ABCC12: variants seen among roughly 807,000 people sequenced by gnomAD.
ABCC12 encodes the protein ATP-binding cassette sub-family C member 12.
A neutral mutation model predicts 151.1 loss-of-function variants in ABCC12; 142 were observed. The ratio of observed to expected loss-of-function variants is 0.94; its 90% CI spans 0.82 to 1.08. The LOEUF (loss-of-function observed/expected upper bound fraction) is 1.08. ABCC12 is among the 50% of genes least tolerant of loss of function. The pLI, the probability that ABCC12 is intolerant of heterozygous loss-of-function variation, is 0.00. For missense variants in ABCC12, 1,638 were observed against 1,691.1 expected (o/e 0.97, Z 0.55); for synonymous variants, 645 against 646.4 (o/e 1.00, Z 0.03).
intron 20 of ABCC12, among the ~76,000 whole-genome samples, chr16:48,106,749 CA>C (rs1963506510): frequency 6.6e-6 from 1 of 152,160 alleles, no homozygotes; most frequent in Non-Finnish European, 1.5e-5. Flanking sequence ...GACCATTGGC[CA>C]AAAGCTGGGA....
intron 21 of ABCC12, among the ~76,000 whole-genome samples, chr16:48,104,803 G>A (rs968109441): frequency 6.6e-6 from 1 of 152,236 alleles, no homozygotes; most frequent in African/African-American, 2.4e-5. Context: ...GCAGTGGAAT[G>A]CAGAGGGGGC....
At chr16:48,107,280 A>G in intron 20 of ABCC12, 42 bp downstream of exon 20, 1 of 1,582,578 alleles carries the variant, frequency 6.3e-7, no homozygotes, top group East Asian at 2.2e-5. Context: ...TTTTACTCCA[A>G]GACACAGACT....
At position 48,091,167 on chromosome 16, in the gene ABCC12, T is replaced by A. The variant is rs762919275; in HGVS notation, c.3238A>T (p.Thr1080Ser). Reference sequence around the variant, plus strand: ...TCCACGGAGGTGAATTTGGCTTGCGTCTCTGTTCCCGTTCGCACACACACT... The same window carrying A: ...TCCACGGAGGTGAATTTGGCTTGCGACTCTGTTCCCGTTCGCACACACACT... ...LQVCVRTGTE[T>S]QAKFTSVELL... The change falls in exon 25 of 31, where the codon ACG (threonine) becomes TCG (serine). Residue 1080 changes from threonine (T) to serine (S), a missense_variant. Transcript: ENST00000311303. The A allele has an allele frequency of 6.2e-7, 1 of 1,614,148 alleles. No homozygotes were observed. The highest frequency in any genetic ancestry group is 1.1e-5 in the South Asian group (1 of 91,090).
chr16:48,102,386 G>A (rs1211445233), intron 22 of ABCC12, among the ~76,000 whole-genome samples: 2 of 152,196 alleles, frequency 1.3e-5, no homozygotes, highest in Non-Finnish European at 1.5e-5. Flanking sequence ...CCTATGCTCA[G>A]GCTTGCTCCC....
intron 11 of ABCC12, among the ~76,000 whole-genome samples, chr16:48,124,550 C>T (rs1964178566): frequency 1.3e-5 from 2 of 152,248 alleles, no homozygotes; most frequent in South Asian, 2.1e-4. Flanking sequence ...CACGTAAGAT[C>T]ACTGGTGTGA....
At chr16:48,120,811 C>T (rs2150635489) in intron 13 of ABCC12, among the ~76,000 whole-genome samples, 1 of 152,280 alleles carries the variant, frequency 6.6e-6, no homozygotes, top group African/African-American at 2.4e-5. Flanking sequence ...GCCTCGGACT[C>T]CCAAAGTTCT....
In ABCC12 at chr16:48,090,240, A is replaced by T. The variant is rs575189815; in HGVS notation, c.3285+880T>A. The stretch of plus-strand genomic sequence containing the variant: ...AAATAATAATTTTTAACTTAAAAAA[A>T]TTTTAGAGTCAGGGTCTAGCTCTGT... On this transcript the variant is annotated intron_variant, in intron 25 of 30. Transcript: ENST00000311303. Among the ~76,000 whole-genome samples the T allele has an allele frequency of 2.8e-4, 43 of 152,174 alleles. 1 individual carries two copies. The East Asian group carries it at 7.9e-3, about 28-fold the overall frequency.
Position 48,133,812 on chromosome 16 carries a change from A to G in ABCC12, c.1003T>C (p.Leu335=), listed in dbSNP as rs1964516086. The part of the protein sequence containing the change: ...IQDIRRRERK[L]LEKAGFVQSG... Reference sequence around the variant, plus strand: ...TGGACAAATCCAGCTTTTTCCAGTAATTTTCTTTCCCTCCTTCTTATATCT... The same window carrying G: ...TGGACAAATCCAGCTTTTTCCAGTAGTTTTCTTTCCCTCCTTCTTATATCT... The change falls in exon 9 of 31, where the codon TTA becomes CTA. Residue 335 remains leucine, a synonymous_variant. Transcript: ENST00000311303. 6.2e-7 allele frequency: 1 copy of G among 1,613,842 alleles called. No homozygotes were observed. Among genetic ancestry groups the G allele is most frequent in the African/African-American group, 1.3e-5 (1 of 74,844 alleles).
intron 14 of ABCC12, among the ~76,000 whole-genome samples, chr16:48,117,031 A>AG (rs1160202471): frequency 6.6e-6 from 1 of 152,234 alleles, no homozygotes; most frequent in Non-Finnish European, 1.5e-5. Context: ...AGTAGCCCCA[A>AG]GAAGTGACTA....
chr16:48,115,450 C>T lies in ABCC12; in HGVS notation c.1954G>A (p.Gly652Arg). The change falls in exon 15 of 31, where the codon GGA (glycine) becomes AGA (arginine). Residue 652 changes from glycine to arginine, a missense_variant. Coordinates refer to ENST00000311303, the MANE Select transcript of ABCC12 (RefSeq NM_001393797.1). ...FEECIKKTLR[G>R]KTVVLVTHQL... is the part of the protein sequence containing the mutation. ...TGGGTCACCAGGACGACTGTCTTTCCCCTGAGCGTCTTCTTAATGCACTCC... is the reference window on the plus strand; with the variant it reads ...TGGGTCACCAGGACGACTGTCTTTCTCCTGAGCGTCTTCTTAATGCACTCC... 1.2e-6 allele frequency: 2 copies of T among 1,614,090 alleles called. No individual in the cohort carries two copies. The highest frequency in any genetic ancestry group is 1.7e-6 in the Non-Finnish European group (2 of 1,179,958).
chr16:48,081,330 G>A lies in ABCC12; in HGVS notation c.*2385C>T, dbSNP rs1297073205. On this transcript the variant is annotated 3_prime_UTR_variant, in exon 31 of 31. Transcript: ENST00000311303. Reference sequence around the variant, plus strand: ...GGCAGTGATAGCAAGGGGTTGGGGTGGGAGAGGGGTTTGCTAAGATGGTTT... The same window carrying A: ...GGCAGTGATAGCAAGGGGTTGGGGTAGGAGAGGGGTTTGCTAAGATGGTTT... Among the ~76,000 whole-genome samples, 1 of 152,160 alleles carries A rather than the reference G, an allele frequency of 6.6e-6. No homozygotes were observed. The highest frequency in any genetic ancestry group is 1.5e-5 in the Non-Finnish European group (1 of 68,024).
chr16:48,140,096 TGAGCTTGCTAAAA>T lies in ABCC12; in HGVS notation c.657+578_657+590del, dbSNP rs1964753683. Among the ~76,000 whole-genome samples the T allele has an allele frequency of 2.0e-5, 3 of 152,368 alleles. No individual in the cohort carries two copies. In the South Asian group the frequency reaches 6.2e-4, roughly 32 times the overall value. ...TGAATCTAATCATAATTAAATGCTT[TGAGCTTGCTAAAA>T]GAGCAACTAGTAAGAAAGAAGCAAG... On this transcript the variant is annotated intron_variant, in intron 6 of 30. Coordinates refer to ENST00000311303, the MANE Select transcript of ABCC12 (RefSeq NM_001393797.1).
At chr16:48,109,721 C>G (rs959528928) in intron 18 of ABCC12, among the ~76,000 whole-genome samples, 2 of 152,246 alleles carry the variant, frequency 1.3e-5, no homozygotes, top group Non-Finnish European at 2.9e-5. Flanking sequence ...AGGGAGACGC[C>G]TCAGCGTGTG....
At chr16:48,128,818 A>G in intron 10 of ABCC12, 81 bp from the exon 11 acceptor site, 1 of 1,501,486 alleles carries the variant, frequency 6.7e-7, no homozygotes, top group East Asian at 2.3e-5. Flanking sequence ...TAATGACCCC[A>G]AATCACAATT....
intron 10 of ABCC12, among the ~76,000 whole-genome samples, chr16:48,129,238 G>A (rs1964341356): frequency 6.6e-6 from 1 of 152,220 alleles, no homozygotes; most frequent in African/African-American, 2.4e-5. Context: ...AGAGATTACA[G>A]TCTGGAGGGA....
intron 24 of ABCC12, among the ~76,000 whole-genome samples, chr16:48,095,914 A>T (rs1409298124): frequency 2.0e-5 from 3 of 152,162 alleles, no homozygotes; most frequent in Non-Finnish European, 4.4e-5. Context: ...TTCCAAAGAT[A>T]ACAAGATTCA....
chr16:48,115,274 G>A, intron 15 of ABCC12, 141 bp downstream of exon 15: 2 of 995,378 alleles, frequency 2.0e-6, no homozygotes, highest in Non-Finnish European at 3.0e-6. Context: ...GGGGAATCAT[G>A]AGTGTCTCTT....
chr16:48,140,701 TG>T lies in ABCC12; in HGVS notation c.642del (p.His214GlnfsTer34). 1 of 1,614,032 alleles carries T rather than the reference TG, an allele frequency of 6.2e-7. No individual in the cohort carries two copies. Among genetic ancestry groups the T allele is most frequent in the Non-Finnish European group, 8.5e-7 (1 of 1,179,956 alleles). On this transcript the variant is annotated frameshift_variant, in exon 6 of 31. Coordinates refer to ENST00000311303, the MANE Select transcript of ABCC12 (RefSeq NM_001393797.1). LOFTEE classifies it high-confidence loss of function. ...AGCCAGCTTACCTCGCCAACAGAGA[TG>T]TGGGTCAATGTCTTGAAGGACACTA... ...ENLVSFKTLT[H>X]ISVGEVLNIL...
At chr16:48,107,217 C>T (rs1025834507) in intron 20 of ABCC12, 105 bp downstream of exon 20, 7 of 1,036,878 alleles carry the variant, frequency 6.8e-6, no homozygotes, top group Non-Finnish European at 9.1e-6. Flanking sequence ...CAGAGGGATG[C>T]ATGTGGGCTC....
Sources: allele counts gnomAD v4.1 joint callset (sites outside exome capture counted in the v4.1 genomes callset), GRCh38; gene constraint gnomAD v4.1.1; transcripts MANE v1.5; gene names NCBI Gene and HGNC (gene_info 2026-07-23, HGNC 2026-07-21).